HEATR5B: variants seen among roughly 807,000 people sequenced by gnomAD.
HEATR5B encodes the protein HEAT repeat-containing protein 5B.
A neutral mutation model predicts 224.1 loss-of-function variants in HEATR5B; 156 were observed. That is an observed-to-expected ratio of 0.70 (90% confidence interval 0.61 to 0.80). The LOEUF is 0.80. HEATR5B is among the 30% of genes least tolerant of loss of function. The pLI is 0.00. For synonymous variants in HEATR5B, 1,027 were observed against 893.0 expected (o/e 1.15, Z -2.68); for missense variants, 2,323 against 2,535.5 (o/e 0.92, Z 1.80).
intron 20 of HEATR5B, 144 bp from the exon 21 acceptor site, chr2:37,038,168 C>T (rs998410618): frequency 4.3e-5 from 23 of 531,216 alleles, no homozygotes; most frequent in Non-Finnish European, 6.3e-5. Context: ...GAGATGGAGT[C>T]TCACTCTGTC....
intron 18 of HEATR5B, among the ~76,000 whole-genome samples, chr2:37,043,551 AATCACTT>A (rs1166402822): frequency 2.6e-5 from 4 of 152,226 alleles, no homozygotes; most frequent in African/African-American, 7.2e-5. Context: ...GTCATTAGAC[AATCACTT>A]TATGGTCCTG....
At chr2:37,065,558 C>A (rs1305334580) in intron 9 of HEATR5B, among the ~76,000 whole-genome samples, 197 bp downstream of exon 9, 1 of 152,148 alleles carries the variant, frequency 6.6e-6, no homozygotes, top group Non-Finnish European at 1.5e-5. Flanking sequence ...ACCTGCCCAC[C>A]AGGGCCTCCC....
At chr2:37,031,755 T>C (rs13432823) in intron 22 of HEATR5B, among the ~76,000 whole-genome samples, 30,164 of 152,074 alleles carry the variant, frequency 0.2, 3,211 homozygotes, top group South Asian at 0.26. Flanking sequence ...TCTTGCTTCT[T>C]TGTATCCAAG....
In HEATR5B at chr2:37,028,129, G is replaced by C. The variant is rs1266776574; in HGVS notation, c.3647C>G (p.Ala1216Gly). 1.9e-6 allele frequency: 3 copies of C among 1,609,768 alleles called. No individual in the cohort carries two copies. Among genetic ancestry groups the C allele is most frequent in the South Asian group, 1.1e-5 (1 of 91,002 alleles). ...TLLSSGKDEE[A>G]EKKDEMDDDT... Reference sequence around the variant, plus strand: ...ATCATCCATCTCATCTTTCTTTTCAGCTTCTTCATCTTTTCCACTACTTAA... The same window carrying C: ...ATCATCCATCTCATCTTTCTTTTCACCTTCTTCATCTTTTCCACTACTTAA... The change falls in exon 24 of 36, where the codon GCT becomes GGT. Residue 1216 changes from alanine to glycine, a missense_variant. Physicochemically the swap from Ala to Gly is moderately conservative, Grantham distance 60 (BLOSUM62 0). Coordinates refer to ENST00000233099, the MANE Select transcript of HEATR5B (RefSeq NM_019024.3).
intron 8 of HEATR5B, among the ~76,000 whole-genome samples, chr2:37,066,370 T>C (rs1671589640): frequency 6.6e-6 from 1 of 152,226 alleles, no homozygotes; most frequent in African/African-American, 2.4e-5. Context: ...ATAAAGAATT[T>C]AACACAATGC....
rs763704720 is a variant in HEATR5B at position 37,019,822 on chromosome 2, G to C, written c.4091C>G (p.Ala1364Gly). 2 of 1,607,374 alleles carry C rather than the reference G, an allele frequency of 1.2e-6. No individual in the cohort carries two copies. The highest frequency in any genetic ancestry group is 1.7e-5 in the Admixed American group (1 of 59,836). ...TTTTCTTCTTACCTGGCAAGCTTTCGCTATTATATCTGATGGTGTATCTTG... is the reference window on the plus strand; with the variant it reads ...TTTTCTTCTTACCTGGCAAGCTTTCCCTATTATATCTGATGGTGTATCTTG... ...FSQDTPSDII[A>G]KACQVCSTWI... Residue 1364 changes from alanine to glycine, a missense_variant, in exon 26 of 36, where the codon GCG (alanine) becomes GGG (glycine). By Grantham distance (60) the Ala-to-Gly change is moderately conservative (BLOSUM62 0). Coordinates refer to ENST00000233099, the MANE Select transcript of HEATR5B (RefSeq NM_019024.3).
chr2:37,075,256 A>G (rs748478877), intron 5 of HEATR5B, among the ~76,000 whole-genome samples: 1 of 152,262 alleles, frequency 6.6e-6, no homozygotes, highest in African/African-American at 2.4e-5. Flanking sequence ...ATGGATACAT[A>G]TAACAACATA....
Position 37,003,542 on chromosome 2 carries a change from T to G in HEATR5B, c.5050A>C (p.Asn1684His), listed in dbSNP as rs567091006. The G allele has an allele frequency of 1.9e-6, 3 of 1,596,226 alleles. No individual in the cohort carries two copies. The highest frequency in any genetic ancestry group is 2.3e-5 in the South Asian group (2 of 88,094). Residue 1684 changes from asparagine (N) to histidine (H), a missense_variant and splice_region_variant, in exon 31 of 36, where the codon AAT becomes CAT. By Grantham distance (68) the Asn-to-His change is moderately conservative (BLOSUM62 1). Transcript: ENST00000233099. ...AGTTAGTGTAATTTCTAGTGCTTAC[T>G]TAGAGTGTTTCTTTTCTCTTGCAAA... Reference protein sequence around the residue: ...DYLQEKRNTLNEDDMEKEACT... With the variant: ...DYLQEKRNTLHEDDMEKEACT...
At chr2:36,990,229 G>A (rs1054065469) in intron 34 of HEATR5B, among the ~76,000 whole-genome samples, 14 of 152,054 alleles carry the variant, frequency 9.2e-5, no homozygotes, top group African/African-American at 2.2e-4. Flanking sequence ...AATTTCTGAC[G>A]TGTAGCAGGC....
chr2:37,057,482 T>TA lies in HEATR5B; in HGVS notation c.2060-3dup, dbSNP rs750304026. ...CTCTAAGAAGTGCATTAAAAGATCC[T>TA]AAAAAACAGAACTTCAGATCAGATT... On this transcript the variant is annotated splice_region_variant and splice_polypyrimidine_tract_variant and intron_variant, in intron 14 of 35. Coordinates refer to ENST00000233099, the MANE Select transcript of HEATR5B (RefSeq NM_019024.3). 3 of 1,594,816 alleles carry TA rather than the reference T, an allele frequency of 1.9e-6. No homozygotes were observed. The highest frequency in any genetic ancestry group is 8.5e-7 in the Non-Finnish European group (1 of 1,172,708).
chr2:36,984,683 G>T (rs1665828533), intron 35 of HEATR5B, among the ~76,000 whole-genome samples: 1 of 152,136 alleles, frequency 6.6e-6, no homozygotes, highest in Non-Finnish European at 1.5e-5. Flanking sequence ...GGTCTGGTCA[G>T]GTTAGTAGGT....
intron 18 of HEATR5B, among the ~76,000 whole-genome samples, chr2:37,045,409 G>T (rs905969772): frequency 6.6e-6 from 1 of 152,054 alleles, no homozygotes; most frequent in South Asian, 2.1e-4. Context: ...TTTTCTCAAG[G>T]CTTGCTTTTA....
intron 5 of HEATR5B, 22 bp downstream of exon 5, chr2:37,075,463 T>G: frequency 6.3e-7 from 1 of 1,590,732 alleles, no homozygotes; most frequent in Non-Finnish European, 8.6e-7. Flanking sequence ...AGAGCAGTAT[T>G]CTAAATTGGT....
At chr2:37,023,057 T>G (rs964976430) in intron 24 of HEATR5B, among the ~76,000 whole-genome samples, 4 of 152,072 alleles carry the variant, frequency 2.6e-5, no homozygotes, top group African/African-American at 4.8e-5. Context: ...ATTATCAATA[T>G]GTTTCCTATG....
intron 24 of HEATR5B, among the ~76,000 whole-genome samples, chr2:37,021,657 G>A (rs1668466612): frequency 6.6e-6 from 1 of 152,096 alleles, no homozygotes; most frequent in Admixed American, 6.6e-5. Flanking sequence ...GGAGGCTGAG[G>A]TGGGTGGATA....
At chr2:36,984,316 T>A (rs1158678836) in intron 35 of HEATR5B, among the ~76,000 whole-genome samples, 1 of 149,524 alleles carries the variant, frequency 6.7e-6, no homozygotes, top group Non-Finnish European at 1.5e-5. Context: ...AAATGTTACA[T>A]AATTTGTTTC....
intron 16 of HEATR5B, 44 bp downstream of exon 16, chr2:37,056,396 T>C: frequency 7.1e-7 from 1 of 1,404,172 alleles, no homozygotes; most frequent in Non-Finnish European, 9.6e-7. Context: ...TCGTTTAACA[T>C]AATATATATT....
intron 33 of HEATR5B, among the ~76,000 whole-genome samples, chr2:36,994,740 T>C (rs1176614138): frequency 6.6e-6 from 1 of 152,178 alleles, no homozygotes; most frequent in Non-Finnish European, 1.5e-5. Flanking sequence ...ATTAATTATT[T>C]TAAAACAAAT....
chr2:37,038,908 G>C (rs1007047192), intron 20 of HEATR5B, among the ~76,000 whole-genome samples: 12 of 117,526 alleles, frequency 1.0e-4, no homozygotes, highest in Non-Finnish European at 2.0e-4. Flanking sequence ...TCCCTGGGGT[G>C]GGGGGGGTGG....
Sources: gnomAD v4.1 joint callset for allele counts (sites outside exome capture counted in the v4.1 genomes callset) on GRCh38, gnomAD v4.1.1 for gene constraint, MANE v1.5 for transcripts, NCBI Gene and HGNC (gene_info 2026-07-23, HGNC 2026-07-21) for gene names.